Variants in FGF13 observed in about 807,000 individuals in gnomAD.
FGF13 encodes the protein fibroblast growth factor homologous factor 2.
Under a neutral mutation model 19.5 loss-of-function variants are expected in FGF13, and 2 were observed. The observed-to-expected ratio is 0.10, with a 90% CI of 0.04 to 0.32. The LOEUF is 0.32. Ranked by LOEUF, FGF13 falls within the 10% of genes least tolerant of loss-of-function variation. The pLI, the probability that FGF13 is intolerant of heterozygous loss-of-function variation, is 1.00. For synonymous variants in FGF13, 72 were observed against 76.9 expected, an observed-to-expected ratio of 0.94 and a Z score of 0.33; for missense variants, 113 against 192.7, an observed-to-expected ratio of 0.59 and a Z score of 2.45.
intron 1 of FGF13, among the ~76,000 whole-genome samples, chrX:139,019,926 G>A (rs778725507): frequency 7.9e-4 from 81 of 103,022 alleles, no homozygotes; most frequent in African/African-American, 2.8e-3. Context: ...TCAAAGGTGT[G>A]AAAAAAAAAA....
intron 1 of FGF13, among the ~76,000 whole-genome samples, chrX:138,874,018 G>T (rs903930753): frequency 2.3e-5 from 2 of 86,552 alleles, no homozygotes; most frequent in East Asian, 4.7e-4. Context: ...TGGGGGGGAG[G>T]GGGGAGGGGT....
intron 1 of FGF13, among the ~76,000 whole-genome samples, chrX:138,934,086 C>T (rs1907107168): frequency 1.8e-5 from 2 of 111,936 alleles, no homozygotes; most frequent in African/African-American, 6.5e-5. Flanking sequence ...TTCGGTGTAA[C>T]CTCTTTTGCT....
chrX:139,002,903 C>T (rs1246142654), intron 1 of FGF13, among the ~76,000 whole-genome samples: 1 of 111,845 alleles, frequency 8.9e-6, no homozygotes, highest in African/African-American at 3.3e-5. Context: ...ATAGGCCTTG[C>T]GTGAGACTCT....
intron 3 of FGF13, among the ~76,000 whole-genome samples, chrX:138,839,638 C>A (rs918414214): frequency 9.0e-6 from 1 of 111,651 alleles, no homozygotes; most frequent in East Asian, 2.8e-4. Flanking sequence ...CATACATATG[C>A]AGCTACCATC....
intron 1 of FGF13, among the ~76,000 whole-genome samples, chrX:139,161,796 T>G (rs1321862411): frequency 9.0e-6 from 1 of 111,490 alleles, no homozygotes; most frequent in Non-Finnish European, 1.9e-5. Context: ...TGAACTCCCA[T>G]TCACAATTGC....
intron 1 of FGF13, among the ~76,000 whole-genome samples, chrX:139,068,209 GC>G (rs1469568094): frequency 1.1e-5 from 1 of 93,232 alleles, no homozygotes; most frequent in East Asian, 3.2e-4. Flanking sequence ...CATATGGCTA[GC>G]CAGTTTTCCC....
chrX:139,072,941 T>C (rs2092381396), intron 1 of FGF13, among the ~76,000 whole-genome samples: 1 of 112,005 alleles, frequency 8.9e-6, no homozygotes, highest in African/African-American at 3.2e-5. Flanking sequence ...CGTGATTTCT[T>C]CAAATATTAT....
At chrX:138,798,694 C>G (rs1008394106) in intron 3 of FGF13, among the ~76,000 whole-genome samples, 1 of 111,562 alleles carries the variant, frequency 9.0e-6, no homozygotes, top group Non-Finnish European at 1.9e-5. Context: ...CTGTCTTAAC[C>G]TTTGCTTTTT....
intron 3 of FGF13, among the ~76,000 whole-genome samples, chrX:138,699,334 T>A (rs1372770708): frequency 8.9e-6 from 1 of 112,052 alleles, no homozygotes; most frequent in Non-Finnish European, 1.9e-5. Context: ...ATACCATTTC[T>A]TATGTCTGTA....
At chrX:138,753,750 A>G (rs1431610716) in intron 3 of FGF13, among the ~76,000 whole-genome samples, 2 of 112,148 alleles carry the variant, frequency 1.8e-5, no homozygotes, top group Non-Finnish European at 1.9e-5. Context: ...GGCTGACTAC[A>G]CTTGACAGTT....
intron 1 of FGF13, among the ~76,000 whole-genome samples, chrX:138,890,677 A>T (rs750010948): frequency 8.9e-6 from 1 of 111,921 alleles, no homozygotes; most frequent in Non-Finnish European, 1.9e-5. Context: ...GTGTTGAAAT[A>T]CACCATTTCA....
intron 3 of FGF13, among the ~76,000 whole-genome samples, chrX:138,665,196 AAAGT>A (rs757860440): frequency 4.5e-5 from 5 of 111,401 alleles, no homozygotes; most frequent in African/African-American, 1.6e-4. Context: ...TTGAAGGAAC[AAAGT>A]GAGGCTGTCT....
At chrX:139,124,711 G>A (rs1025012906) in intron 1 of FGF13, among the ~76,000 whole-genome samples, 3 of 112,275 alleles carry the variant, frequency 2.7e-5, no homozygotes, top group Non-Finnish European at 5.6e-5. Flanking sequence ...TAAGTTCCCC[G>A]TAAGGTTTTT....
At chrX:139,073,655 TC>T (rs745452793) in intron 1 of FGF13, among the ~76,000 whole-genome samples, 10 of 111,879 alleles carry the variant, frequency 8.9e-5, no homozygotes, top group African/African-American at 2.9e-4. Flanking sequence ...TTTGAAGATA[TC>T]TAGCCCAAGC....
At chrX:138,761,264 C>G (rs908709038) in intron 3 of FGF13, among the ~76,000 whole-genome samples, 1 of 111,694 alleles carries the variant, frequency 9.0e-6, no homozygotes, top group Non-Finnish European at 1.9e-5. Flanking sequence ...TGCTCTTTCT[C>G]TTGCTTGCCA....
At position 138,913,182 on chromosome X, in the gene FGF13, C is replaced by CTTTTTTTTTT. The variant is rs35078012; in HGVS notation, c.-112-48542_-112-48533dup. Among the ~76,000 whole-genome samples, 5 of 37,092 alleles carry CTTTTTTTTTT rather than the reference C, an allele frequency of 1.3e-4. 2 individuals carry two copies. Among genetic ancestry groups the CTTTTTTTTTT allele is most frequent in the African/African-American group, 3.7e-4 (3 of 8,007 alleles). The allele number at this position is 37,092 out of a possible 115,157, so 32.2% of individuals were successfully genotyped here. On this transcript the variant is annotated intron_variant, in intron 1 of 2. Coordinates refer to the FGF13 transcript ENST00000421460. Reference sequence around the variant, plus strand: ...TGCACCTGGAAAGAAAAAGCATCTACTTTTTTTTTTTTTTTTTTTTTTTTT... The same window carrying CTTTTTTTTTT: ...TGCACCTGGAAAGAAAAAGCATCTACTTTTTTTTTTTTTTTTTTTTTTTTTTTTTTTTTTT...
At chrX:138,801,659 TAA>T (rs2090830294) in intron 3 of FGF13, among the ~76,000 whole-genome samples, 1 of 111,840 alleles carries the variant, frequency 8.9e-6, no homozygotes, top group South Asian at 3.8e-4. Flanking sequence ...CAGGAACGTT[TAA>T]GTTTGCTGAA....
rs187440837 is a variant in FGF13 at position 138,901,423 on chromosome X, G to T, written c.-112-36773C>A. On this transcript the variant is annotated intron_variant, in intron 1 of 2. Transcript: ENST00000421460. ...ATCATCAGGAAACTTGCATGGGAAA[G>T]TGGGGAGCTCAGTGTGTTGAGGGCA... is the stretch of plus-strand genomic sequence containing the variant. 4.5e-5 allele frequency among the ~76,000 whole-genome samples: 5 copies of T among 111,427 alleles called. No homozygotes were observed. The East Asian group carries it at 1.4e-3, about 32-fold the overall frequency.
intron 1 of FGF13, among the ~76,000 whole-genome samples, chrX:139,183,656 C>T (rs1440912450): frequency 8.9e-6 from 1 of 111,976 alleles, no homozygotes; most frequent in Non-Finnish European, 1.9e-5. Flanking sequence ...CGAGGCCTTG[C>T]CAGCAGCAAA....
Sources: gnomAD v4.1 joint callset for allele counts (sites outside exome capture counted in the v4.1 genomes callset) on GRCh38, gnomAD v4.1.1 for gene constraint, MANE v1.5 for transcripts, NCBI Gene and HGNC (gene_info 2026-07-23, HGNC 2026-07-21) for gene names.